The following EPAS1 variants were observed in gnomAD, a reference collection of about 807,000 sequenced individuals.
EPAS1 encodes the protein endothelial PAS domain-containing protein 1.
In EPAS1, 23 loss-of-function variants were observed where a neutral mutation model predicts 87.9. That is an observed-to-expected ratio of 0.26 (90% CI 0.19 to 0.37). The LOEUF is 0.37. Ranked by LOEUF, EPAS1 falls within the 10% of genes least tolerant of loss-of-function variation. The pLI is 1.00. For synonymous variants in EPAS1, 508 were observed against 444.3 expected (o/e 1.14, Z -1.80); for missense variants, 1,138 against 1,120.7 (o/e 1.02, Z -0.22).
chr2:46,326,400 G>A lies in EPAS1; in HGVS notation c.27-20473G>A, dbSNP rs372275675. ...GGGGTAAAAACCATGATGAATAGGT[G>A]CAGAGAGGAGTGGCTAGATCACCTG... On this transcript the variant is annotated intron_variant, in intron 1 of 15. Transcript: ENST00000263734. 2.0e-5 allele frequency among the ~76,000 whole-genome samples: 3 copies of A among 152,310 alleles called. 1 individual carries two copies. The South Asian group carries it at 6.2e-4, about 32-fold the overall frequency.
At position 46,380,742 on chromosome 2, in the gene EPAS1, C is replaced by G. The variant is rs764529876; in HGVS notation, c.2045+25C>G. On this transcript the variant is annotated intron_variant, in intron 12 of 15. Transcript: ENST00000263734. The surrounding 1 kb of genome is among the most constrained non-coding windows in gnomAD (Gnocchi z 4.4). ...GGTAAGTGGCAGATACTCAGCTGTA[C>G]CAGCAGGGCCGAACCGAGAGGCACC... is the stretch of plus-strand genomic sequence containing the variant. 1.2e-6 allele frequency: 2 copies of G among 1,604,452 alleles called. No individual in the cohort carries two copies. Among genetic ancestry groups the G allele is most frequent in the East Asian group, 2.2e-5 (1 of 44,886 alleles).
intron 9 of EPAS1, among the ~76,000 whole-genome samples, chr2:46,377,216 T>C (rs1572646991): frequency 6.6e-6 from 1 of 152,168 alleles, no homozygotes; most frequent in Non-Finnish European, 1.5e-5. Flanking sequence ...AGAGAACATA[T>C]TGAGGCCTGG....
chr2:46,383,087 G>T (rs1003421713), intron 15 of EPAS1, among the ~76,000 whole-genome samples: 4 of 152,238 alleles, frequency 2.6e-5, no homozygotes, highest in African/African-American at 9.6e-5. Flanking sequence ...TGAGCTTGCT[G>T]CGTGGAGAAG....
At chr2:46,341,815 C>A (rs561431684) in intron 1 of EPAS1, among the ~76,000 whole-genome samples, 1 of 152,288 alleles carries the variant, frequency 6.6e-6, no homozygotes, top group African/African-American at 2.4e-5. Context: ...AAACTGGGGC[C>A]AATAACACTG....
Position 46,297,751 on chromosome 2 carries a change from C to G in EPAS1, c.-161C>G. The stretch of plus-strand genomic sequence containing the variant: ...CCGCCCCCGCACCTAGCCCGCCGCG[C>G]GCCACCTTCCACCTGACTGCGCGGG... On this transcript the variant is annotated 5_prime_UTR_variant, in exon 1 of 16. Coordinates refer to ENST00000263734, the MANE Select transcript of EPAS1 (RefSeq NM_001430.5). 1.1e-6 allele frequency: 1 copy of G among 883,470 alleles called. No individual in the cohort carries two copies. The highest frequency in any genetic ancestry group is 1.7e-6 in the Non-Finnish European group (1 of 579,828). The allele number at this position is 883,470 out of a possible 1,614,324, so 54.7% of individuals were successfully genotyped here.
At chr2:46,356,123 A>ACGGTGGGGGGGGGGGG in intron 2 of EPAS1, 28 bp from the exon 3 acceptor site, 3 of 1,429,238 alleles carry the variant, frequency 2.1e-6, no homozygotes, top group Non-Finnish European at 2.9e-6. Context: ...ACATTCATGC[A>ACGGTGGGGGGGGGGGG]AGCTGTCCCA....
chr2:46,324,345 G>A (rs1164754489), intron 1 of EPAS1, among the ~76,000 whole-genome samples: 1 of 152,208 alleles, frequency 6.6e-6, no homozygotes, highest in East Asian at 1.9e-4. Context: ...AGGATTACAG[G>A]TGTGAGCCAC....
At chr2:46,379,936 A>G in intron 11 of EPAS1, 1 of 505,618 alleles carries the variant, frequency 2.0e-6, no homozygotes, top group Non-Finnish European at 3.6e-6. Context: ...CTCGGCTTCA[A>G]GAGAGAAGGC....
At chr2:46,305,432 T>C (rs1683090704) in intron 1 of EPAS1, among the ~76,000 whole-genome samples, 1 of 152,158 alleles carries the variant, frequency 6.6e-6, no homozygotes, top group Non-Finnish European at 1.5e-5. Flanking sequence ...GTTCCACATG[T>C]TTCCAGGAGG....
chr2:46,341,467 G>A, intron 1 of EPAS1, among the ~76,000 whole-genome samples: 1 of 152,314 alleles, frequency 6.6e-6, no homozygotes, highest in Admixed American at 6.5e-5. Context: ...TCCCAAGGTG[G>A]CTTCTTTGAA....
intron 11 of EPAS1, among the ~76,000 whole-genome samples, chr2:46,379,292 G>C (rs991258005): frequency 6.6e-6 from 1 of 152,146 alleles, no homozygotes; most frequent in African/African-American, 2.4e-5. Flanking sequence ...CAAGGATAAG[G>C]TAGAGGGAGG....
intron 2 of EPAS1, among the ~76,000 whole-genome samples, chr2:46,350,962 G>A (rs1334625318): frequency 1.3e-5 from 2 of 152,198 alleles, no homozygotes; most frequent in African/African-American, 4.8e-5. Flanking sequence ...AGTTTTTAAG[G>A]CTTGATATGA....
At chr2:46,334,710 G>A (rs1683754104) in intron 1 of EPAS1, among the ~76,000 whole-genome samples, 1 of 152,210 alleles carries the variant, frequency 6.6e-6, no homozygotes, top group African/African-American at 2.4e-5. Flanking sequence ...TATATTGAAT[G>A]AGCAGAGGGA....
chr2:46,359,127 C>A (rs559658706), intron 4 of EPAS1, among the ~76,000 whole-genome samples: 1 of 151,608 alleles, frequency 6.6e-6, no homozygotes, highest in African/African-American at 2.4e-5. Context: ...GGCGTGGTGG[C>A]GCGTGCCTGT....
chr2:46,352,662 C>G (rs1309605636), intron 2 of EPAS1, among the ~76,000 whole-genome samples: 1 of 152,176 alleles, frequency 6.6e-6, no homozygotes, highest in Admixed American at 6.5e-5. Flanking sequence ...TGGCCAGGTT[C>G]CTTCAGAAGC....
At chr2:46,306,508 C>A (rs1179041104) in intron 1 of EPAS1, among the ~76,000 whole-genome samples, 2 of 152,186 alleles carry the variant, frequency 1.3e-5, no homozygotes, top group Admixed American at 6.5e-5. Flanking sequence ...AAATTCAATG[C>A]CAGCCATTCT....
intron 6 of EPAS1, among the ~76,000 whole-genome samples, chr2:46,368,245 G>A (rs1050943556): frequency 1.3e-5 from 2 of 152,188 alleles, no homozygotes; most frequent in Admixed American, 6.5e-5. Context: ...AGAGGGCTCT[G>A]TGGAGAAGAT....
In EPAS1 at chr2:46,384,993, T is replaced by A. The variant is rs1350233434; in HGVS notation, c.*333T>A. 1 of 355,894 alleles carries A rather than the reference T, an allele frequency of 2.8e-6. No homozygotes were observed. The highest frequency in any genetic ancestry group is 6.7e-5 in the East Asian group (1 of 15,024). 22.0% of individuals were successfully genotyped at this position (355,894 alleles called of 1,614,324 possible). ...CCTTCTCACACACAACTGTCCATAC[T>A]AACAAGTTTGGTGCATGTCTGTTCT... On this transcript the variant is annotated 3_prime_UTR_variant, in exon 16 of 16. Transcript: ENST00000263734.
chr2:46,317,228 C>T (rs972474707), intron 1 of EPAS1, among the ~76,000 whole-genome samples: 3 of 152,218 alleles, frequency 2.0e-5, no homozygotes, highest in African/African-American at 7.2e-5. Context: ...ATTACAAATG[C>T]TGTTAATGGT....
Sources: allele counts gnomAD v4.1 joint callset (sites outside exome capture counted in the v4.1 genomes callset), GRCh38; gene constraint gnomAD v4.1.1; non-coding constraint Gnocchi (gnomAD v3.1); transcripts MANE v1.5; gene names NCBI Gene and HGNC (gene_info 2026-07-23, HGNC 2026-07-21).